The following DNAI1 variants were observed in gnomAD, a reference collection of about 807,000 sequenced individuals.
DNAI1 encodes the protein dynein axonemal intermediate chain 1, also known as dynein, axonemal, intermediate polypeptide 1.
DNAI1 carries 67 observed loss-of-function variants against 92.0 expected under a neutral mutation model. The ratio of observed to expected loss-of-function variants is 0.73; its 90% CI spans 0.60 to 0.89. DNAI1 has a LOEUF of 0.89. DNAI1 is among the 40% of genes least tolerant of loss of function. The pLI is 0.00. For missense variants in DNAI1, 839 were observed against 866.6 expected, an observed-to-expected ratio of 0.97 and a Z score of 0.40; for synonymous variants, 323 against 319.6, an observed-to-expected ratio of 1.01 and a Z score of -0.11.
rs146624387 is a variant in DNAI1, at chr9:34,510,498, C to G, written c.1312-1611C>G. 3.3e-5 allele frequency among the ~76,000 whole-genome samples: 5 copies of G among 152,276 alleles called. No individual in the cohort carries two copies. In the East Asian group the frequency reaches 9.6e-4, roughly 29 times the overall value. On this transcript the variant is annotated intron_variant, in intron 13 of 19. Transcript: ENST00000242317. ...GCAGGTTCCAGCTCCTCCCTACCAC[C>G]TGGTCCCTGGGAATTCATTCATTCT... is the stretch of plus-strand genomic sequence containing the variant.
intron 13 of DNAI1, among the ~76,000 whole-genome samples, chr9:34,507,682 TC>T (rs1416124935): frequency 6.6e-6 from 1 of 152,180 alleles, no homozygotes; most frequent in Non-Finnish European, 1.5e-5. Context: ...CTTCCTCAAC[TC>T]CGCACGGGGC....
chr9:34,474,108 T>C (rs956911956), intron 1 of DNAI1, among the ~76,000 whole-genome samples: 1 of 152,194 alleles, frequency 6.6e-6, no homozygotes, highest in Non-Finnish European at 1.5e-5. Context: ...CTATAATTAT[T>C]TTGTTATTTA....
intron 1 of DNAI1, among the ~76,000 whole-genome samples, chr9:34,474,937 A>G (rs1347407012): frequency 6.6e-6 from 1 of 152,014 alleles, no homozygotes; most frequent in Non-Finnish European, 1.5e-5. Flanking sequence ...TGCATTTTAA[A>G]CTTTGGTACA....
At chr9:34,496,851 G>A (rs1351997282) in intron 9 of DNAI1, among the ~76,000 whole-genome samples, 2 of 152,196 alleles carry the variant, frequency 1.3e-5, no homozygotes, top group African/African-American at 4.8e-5. Flanking sequence ...AACAAGTCCA[G>A]AATGAAAGCA....
chr9:34,495,734 G>T (rs2132067675), intron 9 of DNAI1, among the ~76,000 whole-genome samples: 1 of 152,242 alleles, frequency 6.6e-6, no homozygotes, highest in Admixed American at 6.5e-5. Flanking sequence ...GAAGATGCAG[G>T]GAGGGAGTTT....
At chr9:34,510,958 G>A (rs560794329) in intron 13 of DNAI1, among the ~76,000 whole-genome samples, 10 of 152,264 alleles carry the variant, frequency 6.6e-5, no homozygotes, top group African/African-American at 2.2e-4. Context: ...CTGAAGCTCC[G>A]ATCCACCAGG....
chr9:34,487,648 T>C (rs1234470581), intron 4 of DNAI1, among the ~76,000 whole-genome samples: 1 of 152,038 alleles, frequency 6.6e-6, no homozygotes, highest in African/African-American at 2.4e-5. Flanking sequence ...AGAGGACCTC[T>C]GTAGGACTCA....
intron 1 of DNAI1, among the ~76,000 whole-genome samples, chr9:34,465,756 ACT>A (rs368945046): frequency 8.5e-5 from 13 of 152,106 alleles, no homozygotes; most frequent in African/African-American, 2.9e-4. Flanking sequence ...AGTAATGTTG[ACT>A]CTCTGGCTCC....
chr9:34,485,511 C>T lies in DNAI1; in HGVS notation c.255C>T (p.Ser85=). The part of the protein sequence containing the change: ...PHAPQNIVRY[S]FKEGTYKPIG... Reference sequence around the variant, plus strand: ...CACCCCAGAACATTGTCAGGTACAGCTTCAAAGTAAGTCATCCCCTCCTGG... The same window carrying T: ...CACCCCAGAACATTGTCAGGTACAGTTTCAAAGTAAGTCATCCCCTCCTGG... The change falls in exon 4 of 20, where the codon AGC becomes AGT. Residue 85 remains serine (S), a synonymous_variant. Coordinates refer to ENST00000242317, the MANE Select transcript of DNAI1 (RefSeq NM_012144.4). 1 of 1,614,126 alleles carries T rather than the reference C, an allele frequency of 6.2e-7. No individual in the cohort carries two copies. The highest frequency in any genetic ancestry group is 8.5e-7 in the Non-Finnish European group (1 of 1,179,990).
chr9:34,471,030 G>A (rs1824125376), intron 1 of DNAI1, among the ~76,000 whole-genome samples: 1 of 152,032 alleles, frequency 6.6e-6, no homozygotes, highest in Admixed American at 6.6e-5. Flanking sequence ...AAAATCATAA[G>A]GAAATTAGAA....
In DNAI1 at chr9:34,483,303, C is replaced by T. The variant is rs1274741468; in HGVS notation, c.49-145C>T. 8.1e-5 allele frequency: 62 copies of T among 761,670 alleles called. No homozygotes were observed. The South Asian group carries it at 8.4e-4, about 10-fold the overall frequency. 47.2% of individuals were successfully genotyped at this position (761,670 alleles called of 1,614,324 possible). A position where few individuals can be genotyped will look rare whatever the true frequency, so the allele number is the denominator to read the frequency against. The stretch of plus-strand genomic sequence containing the variant: ...AGGCAGGGGAGGTGCCGAGAGCAAG[C>T]GAGGGCTCTGAGGACTGCCAGCACG... On this transcript the variant is annotated intron_variant, in intron 1 of 19. Coordinates refer to ENST00000242317, the MANE Select transcript of DNAI1 (RefSeq NM_012144.4).
chr9:34,501,323 C>G, intron 12 of DNAI1, 142 bp downstream of exon 12: 1 of 755,100 alleles, frequency 1.3e-6, no homozygotes, highest in Non-Finnish European at 2.4e-6. Flanking sequence ...GGAAGACCCA[C>G]AATCCTACTG....
chr9:34,500,924 AC>A (rs1824819868), intron 11 of DNAI1, 85 bp downstream of exon 11: 2 of 1,133,748 alleles, frequency 1.8e-6, no homozygotes, highest in East Asian at 4.7e-5. Flanking sequence ...GCACTTAACC[AC>A]CTTGAGTATG....
At chr9:34,502,260 C>T (rs552495687) in intron 12 of DNAI1, among the ~76,000 whole-genome samples, 113 of 152,308 alleles carry the variant, frequency 7.4e-4, no homozygotes, top group Admixed American at 1.3e-3. Flanking sequence ...GCCCTAAATG[C>T]CTGCTTTGTG....
chr9:34,459,869 G>A (rs1823912667), intron 1 of DNAI1, among the ~76,000 whole-genome samples: 1 of 152,224 alleles, frequency 6.6e-6, no homozygotes, highest in South Asian at 2.1e-4. Flanking sequence ...TACAGGACAG[G>A]CTATGTGCAG....
chr9:34,501,941 G>A (rs887125930), intron 12 of DNAI1, among the ~76,000 whole-genome samples: 5 of 152,318 alleles, frequency 3.3e-5, no homozygotes, highest in Admixed American at 1.3e-4. Flanking sequence ...AGCCCCTAGC[G>A]CTGTGCTGGC....
chr9:34,466,871 T>A (rs896888754), intron 1 of DNAI1, among the ~76,000 whole-genome samples: 1 of 152,230 alleles, frequency 6.6e-6, no homozygotes, highest in Non-Finnish European at 1.5e-5. Flanking sequence ...TTATCATAAC[T>A]GTTCTGACCT....
chr9:34,497,051 C>A, intron 9 of DNAI1, 64 bp from the exon 10 acceptor site: 2 of 1,249,004 alleles, frequency 1.6e-6, no homozygotes, highest in Non-Finnish European at 2.4e-6. Context: ...GGTGACATGG[C>A]TCAGGACATA....
intron 9 of DNAI1, 109 bp from the exon 10 acceptor site, chr9:34,497,006 T>A: frequency 1.2e-6 from 1 of 841,068 alleles, no homozygotes; most frequent in South Asian, 1.3e-5. Flanking sequence ...CTGGGGTGAG[T>A]AGTGCCAGAG....
Sources: gnomAD v4.1 joint callset for allele counts (sites outside exome capture counted in the v4.1 genomes callset) on GRCh38, gnomAD v4.1.1 for gene constraint, MANE v1.5 for transcripts, NCBI Gene and HGNC (gene_info 2026-07-23, HGNC 2026-07-21) for gene names.